The following SERPINA11 variants were observed in gnomAD, a reference collection of about 807,000 sequenced individuals.
The protein encoded by SERPINA11 is serpin family A member 11, also known as serpin A11.
SERPINA11 carries 28 observed loss-of-function variants against 29.4 expected under a neutral mutation model. The ratio of observed to expected loss-of-function variants is 0.95; its 90% CI spans 0.70 to 1.30. The LOEUF (loss-of-function observed/expected upper bound fraction) is 1.30, where lower values mean the gene tolerates loss of function less well. Among genes scored for constraint, SERPINA11 ranks in the 50% most tolerant of loss-of-function variants. SERPINA11 has a pLI of 0.00. For synonymous variants in SERPINA11, 253 were observed against 206.6 expected, an observed-to-expected ratio of 1.22 and a Z score of -1.92; for missense variants, 530 against 507.3, an observed-to-expected ratio of 1.04 and a Z score of -0.43.
chr14:94,452,063 C>A (rs1445487515), intron 1 of SERPINA11, among the ~76,000 whole-genome samples: 2 of 152,056 alleles, frequency 1.3e-5, no homozygotes, highest in Non-Finnish European at 2.9e-5. Flanking sequence ...CAGCTCAATG[C>A]CTGGTGGAGG....
chr14:94,444,358 G>GC (rs1252540505), intron 3 of SERPINA11, among the ~76,000 whole-genome samples: 1 of 151,536 alleles, frequency 6.6e-6, no homozygotes. Context: ...ATATCTAAAA[G>GC]CCCCTAAAAA....
intron 1 of SERPINA11, among the ~76,000 whole-genome samples, chr14:94,450,042 G>C (rs1232566870): frequency 6.6e-6 from 1 of 152,150 alleles, no homozygotes; most frequent in Admixed American, 6.6e-5. Flanking sequence ...CCCAGGAGTG[G>C]GGAGCAAAGT....
In SERPINA11 at chr14:94,448,504, C is replaced by A; in HGVS notation, c.271G>T (p.Ala91Ser). The A allele has an allele frequency of 6.2e-7, 1 of 1,614,140 alleles. No homozygotes were observed. The highest frequency in any genetic ancestry group is 8.5e-7 in the Non-Finnish European group (1 of 1,180,022). The change falls in exon 2 of 5, where the codon GCC becomes TCC. Residue 91 changes from alanine (A) to serine (S), a missense_variant. Coordinates refer to ENST00000334708, the MANE Select transcript of SERPINA11 (RefSeq NM_001080451.2). Reference sequence around the variant, plus strand: ...ATCAGAGCTGAGGTGTTAGCTTGGGCCCCAAGAGAGAGCAGGGCCAGGGTG... The same window carrying A: ...ATCAGAGCTGAGGTGTTAGCTTGGGACCCAAGAGAGAGCAGGGCCAGGGTG... ...STTLALLSLG[A>S]QANTSALILE... is the part of the protein sequence containing the mutation.
intron 1 of SERPINA11, among the ~76,000 whole-genome samples, chr14:94,449,436 T>C (rs1237986251): frequency 2.0e-4 from 21 of 104,378 alleles, no homozygotes; most frequent in Admixed American, 1.2e-3. Flanking sequence ...TTTCTTTCTT[T>C]CTTTCTTTCT....
At chr14:94,449,987 G>A (rs1165851562) in intron 1 of SERPINA11, among the ~76,000 whole-genome samples, 6 of 152,196 alleles carry the variant, frequency 3.9e-5, no homozygotes, top group African/African-American at 1.4e-4. Flanking sequence ...ATTAGCTGGA[G>A]TGGCGATGTG....
Position 94,448,162 on chromosome 14 carries a change from T to C in SERPINA11, c.613A>G (p.Met205Val), listed in dbSNP as rs114327150. 5 of 1,614,162 alleles carry C rather than the reference T, an allele frequency of 3.1e-6. No individual in the cohort carries two copies. Among genetic ancestry groups the C allele is most frequent in the East Asian group, 2.2e-5 (1 of 44,888 alleles). Reference sequence around the variant, plus strand: ...AAGAAGATGTAATTGGCAAGAACCATGAACGTGTCCTGGCTGAACTCCGGG... The same window carrying C: ...AAGAAGATGTAATTGGCAAGAACCACGAACGTGTCCTGGCTGAACTCCGGG... ...CLPEFSQDTF[M>V]VLANYIFFKA... Residue 205 changes from methionine (M) to valine (V), a missense_variant, in exon 2 of 5, where the codon ATG becomes GTG. By Grantham distance (21) the Met-to-Val change is conservative. Coordinates refer to ENST00000334708, the MANE Select transcript of SERPINA11 (RefSeq NM_001080451.2).
chr14:94,443,435 C>A (rs1024229568), intron 3 of SERPINA11, among the ~76,000 whole-genome samples: 2 of 152,204 alleles, frequency 1.3e-5, no homozygotes, highest in Non-Finnish European at 2.9e-5. Context: ...TATCTTGTGG[C>A]TGGATCTGAG....
chr14:94,447,429 G>C (rs1898467042), intron 2 of SERPINA11, among the ~76,000 whole-genome samples: 1 of 152,126 alleles, frequency 6.6e-6, no homozygotes, highest in Admixed American at 6.5e-5. Flanking sequence ...CAAGGCCACC[G>C]TGCTACTTAC....
Position 94,442,577 on chromosome 14 carries a change from A to G in SERPINA11, c.*29T>C. 1.3e-6 allele frequency: 2 copies of G among 1,545,662 alleles called. No individual in the cohort carries two copies. Among genetic ancestry groups the G allele is most frequent in the Non-Finnish European group, 1.8e-6 (2 of 1,131,526 alleles). ...GCCTATCTGTTTGGTCCAGGATGAG[A>G]TAAGATAACTCCTGGCCTCCCACCA... is the stretch of plus-strand genomic sequence containing the variant. On this transcript the variant is annotated 3_prime_UTR_variant, in exon 5 of 5. Transcript: ENST00000334708.
At chr14:94,445,595 A>G (rs995395618) in intron 3 of SERPINA11, among the ~76,000 whole-genome samples, 8 of 152,168 alleles carry the variant, frequency 5.3e-5, no homozygotes, top group Non-Finnish European at 1.2e-4. Context: ...TAGAGATAGG[A>G]TCTAGCTTTG....
chr14:94,444,038 GTGGC>G (rs1159426108), intron 3 of SERPINA11, among the ~76,000 whole-genome samples: 1 of 152,178 alleles, frequency 6.6e-6, no homozygotes, highest in Non-Finnish European at 1.5e-5. Context: ...TTAGAGAATC[GTGGC>G]TGGTTTGACT....
intron 3 of SERPINA11, among the ~76,000 whole-genome samples, chr14:94,445,877 A>G (rs1898427131): frequency 6.6e-6 from 1 of 152,162 alleles, no homozygotes; most frequent in Non-Finnish European, 1.5e-5. Context: ...GCACCCAGCC[A>G]TGATTATTTT....
chr14:94,449,400 CTTTCTATTCTTTCTTTCTTTCTT>C (rs1566784549), intron 1 of SERPINA11, among the ~76,000 whole-genome samples: 2 of 25,924 alleles, frequency 7.7e-5, no homozygotes, highest in African/African-American at 2.5e-4. Flanking sequence ...CTCTTTCTTT[CTTTCTATTCTTTCTTTCTTTCTT>C]TCTTTCTTTC....
In SERPINA11 at chr14:94,449,479, TTCTGTCTG is replaced by T. The variant is rs74659285; in HGVS notation, c.-3-710_-3-703del. On this transcript the variant is annotated intron_variant, in intron 1 of 4. Coordinates refer to ENST00000334708, the MANE Select transcript of SERPINA11 (RefSeq NM_001080451.2). Reference sequence around the variant, plus strand: ...TTTCTTTCTTTCTTTCTTTCTTTCTTTCTGTCTGTCTGTCTTTCTTTCTCTTTCTTTTT... The same window carrying T: ...TTTCTTTCTTTCTTTCTTTCTTTCTTTCTGTCTTTCTTTCTCTTTCTTTTT... 2.1e-3 allele frequency among the ~76,000 whole-genome samples: 180 copies of T among 84,732 alleles called. 3 individuals are homozygous for T. The highest frequency in any genetic ancestry group is 6.9e-3 in the African/African-American group (96 of 13,964). 55.6% of individuals were successfully genotyped at this position (84,732 alleles called of 152,430 possible). A position where few individuals can be genotyped will look rare whatever the true frequency, so the allele number is the denominator to read the frequency against.
chr14:94,450,599 G>A (rs1484001328), intron 1 of SERPINA11, among the ~76,000 whole-genome samples: 2 of 152,320 alleles, frequency 1.3e-5, no homozygotes, highest in Non-Finnish European at 2.9e-5. Flanking sequence ...AGAACTGTGA[G>A]TCAAAAATTT....
At chr14:94,449,407 T>C (rs1189544966) in intron 1 of SERPINA11, among the ~76,000 whole-genome samples, 16 of 3,324 alleles carry the variant, frequency 4.8e-3, no homozygotes, top group Non-Finnish European at 0.01. Context: ...TTTCTTTCTA[T>C]TCTTTCTTTC....
chr14:94,443,184 G>A lies in SERPINA11; in HGVS notation c.959C>T (p.Thr320Ile), dbSNP rs763446849. The A allele has an allele frequency of 3.1e-6, 5 of 1,613,826 alleles. No homozygotes were observed. Among genetic ancestry groups the A allele is most frequent in the African/African-American group, 1.3e-5 (1 of 74,920 alleles). Reference protein sequence around the residue: ...LHLPRFSISGTYNLEDILPQI... With the variant: ...LHLPRFSISGIYNLEDILPQI... ...GGGAAGTATGTCTTCCAGGTTATAT[G>A]TTCCAGAAATTGAAAACCTTGGCAA... Residue 320 changes from threonine (T) to isoleucine (I), a missense_variant, in exon 4 of 5, where the codon ACA (threonine) becomes ATA (isoleucine). Thr to Ile is a moderately conservative substitution (Grantham distance 89). Transcript: ENST00000334708.
chr14:94,449,954 G>A (rs1284743649), intron 1 of SERPINA11, among the ~76,000 whole-genome samples: 1 of 152,182 alleles, frequency 6.6e-6, no homozygotes, highest in African/African-American at 2.4e-5. Flanking sequence ...AAAGAAGAGT[G>A]CCCTCCCCCT....
chr14:94,448,689 C>G lies in SERPINA11; in HGVS notation c.86G>C (p.Ser29Thr). The change falls in exon 2 of 5, where the codon AGT becomes ACT. Residue 29 changes from serine to threonine, a missense_variant. Ser to Thr is a moderately conservative substitution (Grantham distance 58). Transcript: ENST00000334708. ...CCTGGGGGGTTGAGGCCCCTGCAGA[C>G]TTTTATCTCCATGGGCAAGAAGGGG... ...CQPLLAHGDKSLQGPQPPRHQ... is the reference protein window; with the variant it reads ...CQPLLAHGDKTLQGPQPPRHQ... 1.3e-6 allele frequency: 2 copies of G among 1,546,468 alleles called. No individual in the cohort carries two copies. Among genetic ancestry groups the G allele is most frequent in the Non-Finnish European group, 1.7e-6 (2 of 1,148,144 alleles).
Sources: gnomAD v4.1 joint callset for allele counts (sites outside exome capture counted in the v4.1 genomes callset) on GRCh38, gnomAD v4.1.1 for gene constraint, MANE v1.5 for transcripts, NCBI Gene and HGNC (gene_info 2026-07-23, HGNC 2026-07-21) for gene names.